The following CDH18 variants were observed in gnomAD, a reference collection of about 807,000 sequenced individuals.
The protein encoded by CDH18 is cadherin 18.
A neutral mutation model predicts 67.9 loss-of-function variants in CDH18; 31 were observed. That is an observed-to-expected ratio of 0.46 (90% CI 0.34 to 0.62). The LOEUF is 0.62. Ranked by LOEUF, CDH18 falls within the 20% of genes least tolerant of loss-of-function variation. CDH18 has a pLI of 0.01. For synonymous variants in CDH18, 362 were observed against 347.2 expected (o/e 1.04, Z -0.48); for missense variants, 890 against 975.5 (o/e 0.91, Z 1.17).
intron 4 of CDH18, among the ~76,000 whole-genome samples, chr5:19,730,869 A>T (rs1231906962): frequency 6.6e-6 from 1 of 152,188 alleles, no homozygotes. Flanking sequence ...TAGCCATTAA[A>T]CAATAAACTA....
At chr5:20,110,924 G>A (rs1398673098) in intron 2 of CDH18, among the ~76,000 whole-genome samples, 1 of 152,040 alleles carries the variant, frequency 6.6e-6, no homozygotes, top group Non-Finnish European at 1.5e-5. Context: ...CTAACTTGCA[G>A]GCAGATTTGT....
chr5:20,434,284 A>C (rs992996947), intron 1 of CDH18, among the ~76,000 whole-genome samples: 1 of 152,112 alleles, frequency 6.6e-6, no homozygotes, highest in Non-Finnish European at 1.5e-5. Flanking sequence ...GAATTATTGC[A>C]GACAATAGGT....
At chr5:19,600,395 C>G (rs922623683) in intron 6 of CDH18, among the ~76,000 whole-genome samples, 1 of 150,928 alleles carries the variant, frequency 6.6e-6, no homozygotes, top group African/African-American at 2.4e-5. Context: ...AGTTTTTCAG[C>G]TGGTACCAGC....
intron 2 of CDH18, among the ~76,000 whole-genome samples, chr5:20,229,263 T>G (rs968204414): frequency 6.6e-6 from 1 of 152,130 alleles, no homozygotes; most frequent in African/African-American, 2.4e-5. Context: ...TTATTTTTGA[T>G]GCACTGTGTA....
intron 6 of CDH18, among the ~76,000 whole-genome samples, chr5:19,605,031 A>G (rs942515933): frequency 6.6e-6 from 1 of 152,018 alleles, no homozygotes; most frequent in Non-Finnish European, 1.5e-5. Context: ...TAAGAATCAA[A>G]TTATTTCCAA....
At chr5:20,275,799 A>G (rs1745766184) in intron 1 of CDH18, among the ~76,000 whole-genome samples, 1 of 152,208 alleles carries the variant, frequency 6.6e-6, no homozygotes, top group African/African-American at 2.4e-5. Flanking sequence ...TGAATGGGAT[A>G]GGAAAGACAG....
intron 3 of CDH18, among the ~76,000 whole-genome samples, chr5:19,826,321 CA>C (rs1403241815): frequency 1.3e-5 from 2 of 152,076 alleles, no homozygotes; most frequent in African/African-American, 4.8e-5. Flanking sequence ...ACATTATCCA[CA>C]AAAACTTCCC....
chr5:20,128,286 G>T (rs1748992738), intron 2 of CDH18, among the ~76,000 whole-genome samples: 2 of 151,978 alleles, frequency 1.3e-5, no homozygotes, highest in South Asian at 4.1e-4. Flanking sequence ...AAAGTTCTTT[G>T]AAAACAATAC....
At chr5:20,273,781 C>A (rs1449043829) in intron 1 of CDH18, among the ~76,000 whole-genome samples, 1 of 152,026 alleles carries the variant, frequency 6.6e-6, no homozygotes, top group Non-Finnish European at 1.5e-5. Flanking sequence ...ATGGATATAG[C>A]AATAACATCA....
intron 2 of CDH18, among the ~76,000 whole-genome samples, chr5:20,249,659 C>T (rs564868659): frequency 6.6e-6 from 1 of 152,196 alleles, no homozygotes; most frequent in East Asian, 1.9e-4. Flanking sequence ...CGTTAGCCAC[C>T]GCGCCCGGCC....
At chr5:20,538,917 T>TTTC (rs1756892257) in intron 1 of CDH18, among the ~76,000 whole-genome samples, 1 of 144,352 alleles carries the variant, frequency 6.9e-6, no homozygotes, top group African/African-American at 2.5e-5. Context: ...TTGTTTTTTT[T>TTTC]TTTTTTTGTC....
chr5:20,083,751 G>A (rs919328601), intron 2 of CDH18, among the ~76,000 whole-genome samples: 11 of 152,176 alleles, frequency 7.2e-5, no homozygotes, highest in African/African-American at 1.4e-4. Context: ...AGCAAGTCAC[G>A]TCTTACATGG....
At chr5:20,195,146 G>A (rs1039131486) in intron 2 of CDH18, among the ~76,000 whole-genome samples, 1 of 151,984 alleles carries the variant, frequency 6.6e-6, no homozygotes, top group African/African-American at 2.4e-5. Flanking sequence ...TCAATTTTGT[G>A]TGTACCCAAT....
chr5:19,690,898 TAGAGA>T, intron 5 of CDH18, among the ~76,000 whole-genome samples: 1 of 151,720 alleles, frequency 6.6e-6, no homozygotes, highest in East Asian at 1.9e-4. Flanking sequence ...AATTGAAGAG[TAGAGA>T]ATTCTTCCTA....
chr5:20,248,717 C>A (rs1187254152), intron 2 of CDH18, among the ~76,000 whole-genome samples: 1 of 152,202 alleles, frequency 6.6e-6, no homozygotes, highest in Admixed American at 6.5e-5. Flanking sequence ...TGACAAGTTT[C>A]ACTGCTTTGT....
chr5:20,149,196 T>C (rs1561831090), intron 2 of CDH18, among the ~76,000 whole-genome samples: 1 of 152,208 alleles, frequency 6.6e-6, no homozygotes, highest in Non-Finnish European at 1.5e-5. Context: ...AATTCTTAAA[T>C]ACTTGTGGCT....
intron 3 of CDH18, among the ~76,000 whole-genome samples, chr5:19,802,079 C>T (rs972802763): frequency 6.6e-6 from 1 of 152,094 alleles, no homozygotes; most frequent in African/African-American, 2.4e-5. Context: ...AAACTCATAA[C>T]ATAAATCATA....
chr5:19,795,078 C>G (rs1776723697), intron 3 of CDH18, among the ~76,000 whole-genome samples: 1 of 152,030 alleles, frequency 6.6e-6, no homozygotes, highest in South Asian at 2.1e-4. Context: ...GAGAAATGAG[C>G]TTACCCATTT....
chr5:20,319,047 C>T (rs1737737295), intron 1 of CDH18, among the ~76,000 whole-genome samples: 1 of 152,182 alleles, frequency 6.6e-6, no homozygotes, highest in Admixed American at 6.5e-5. Context: ...CCCCAGTCTA[C>T]TTGTTCATCT....
Sources: allele counts gnomAD v4.1 joint callset (sites outside exome capture counted in the v4.1 genomes callset), GRCh38; gene constraint gnomAD v4.1.1; transcripts MANE v1.5; gene names NCBI Gene and HGNC (gene_info 2026-07-23, HGNC 2026-07-21).